GPR55: variants seen among roughly 807,000 people sequenced by gnomAD.
GPR55 encodes G protein-coupled receptor 55.
Under a neutral mutation model 7.9 loss-of-function variants are expected in GPR55, and 6 were observed. That is an observed-to-expected ratio of 0.76 (90% CI 0.41 to 1.49). The LOEUF (loss-of-function observed/expected upper bound fraction) is 1.49. Among genes scored for constraint, GPR55 ranks in the 40% most tolerant of loss-of-function variants. The probability of loss-of-function intolerance (pLI) is 0.01; values close to 1 mark genes in which losing one functional copy is unlikely to be tolerated. For missense variants in GPR55, 376 were observed against 406.0 expected, an observed-to-expected ratio of 0.93 and a Z score of 0.63; for synonymous variants, 183 against 166.8, an observed-to-expected ratio of 1.10 and a Z score of -0.75.
intron 1 of GPR55, among the ~76,000 whole-genome samples, chr2:230,951,522 A>G (rs563452241): frequency 6.6e-6 from 1 of 152,324 alleles, no homozygotes; most frequent in East Asian, 1.9e-4. Flanking sequence ...GCAGATGTCT[A>G]GGGAAGAGGG....
chr2:230,945,124 CAGAT>C (rs1263007933), intron 1 of GPR55, among the ~76,000 whole-genome samples: 1 of 152,184 alleles, frequency 6.6e-6, no homozygotes, highest in Non-Finnish European at 1.5e-5. Context: ...GTGGACAAAG[CAGAT>C]AGAAGACTAC....
intron 1 of GPR55, among the ~76,000 whole-genome samples, chr2:230,949,752 T>C (rs570268832): frequency 3.9e-5 from 6 of 152,134 alleles, no homozygotes; most frequent in Non-Finnish European, 8.8e-5. Flanking sequence ...TGAATAGAGA[T>C]AGGAGAGGCC....
chr2:230,946,732 C>G (rs2125068089), intron 1 of GPR55, among the ~76,000 whole-genome samples: 1 of 152,322 alleles, frequency 6.6e-6, no homozygotes, highest in Non-Finnish European at 1.5e-5. Flanking sequence ...CACACCTGGA[C>G]CAGGCCATAG....
intron 1 of GPR55, among the ~76,000 whole-genome samples, chr2:230,941,158 C>T (rs368473877): frequency 1.3e-5 from 2 of 152,200 alleles, no homozygotes; most frequent in South Asian, 2.1e-4. Context: ...GGCCTGATGC[C>T]TGGGTGCCTC....
chr2:230,943,487 C>A (rs886887289), intron 1 of GPR55, among the ~76,000 whole-genome samples: 2 of 152,234 alleles, frequency 1.3e-5, no homozygotes, highest in African/African-American at 2.4e-5. Context: ...TGTCTCCGGG[C>A]ATCCCCAGCT....
chr2:230,953,928 T>G (rs1028600403), intron 1 of GPR55, among the ~76,000 whole-genome samples: 1 of 152,168 alleles, frequency 6.6e-6, no homozygotes, highest in Non-Finnish European at 1.5e-5. Context: ...TGGAACCACC[T>G]TCCTGGTGGG....
At chr2:230,947,854 C>G (rs892926046) in intron 1 of GPR55, among the ~76,000 whole-genome samples, 2 of 152,082 alleles carry the variant, frequency 1.3e-5, no homozygotes, top group Non-Finnish European at 2.9e-5. Flanking sequence ...CTGGTGCCCC[C>G]CCTCCAACTC....
At chr2:230,917,117 G>A (rs1185324396) in intron 1 of GPR55, among the ~76,000 whole-genome samples, 2 of 152,084 alleles carry the variant, frequency 1.3e-5, no homozygotes. Context: ...TATTTTTATA[G>A]AATAAAATAA....
upstream of GPR55, among the ~76,000 whole-genome samples, chr2:230,926,142 G>T (rs903942178): frequency 6.6e-6 from 1 of 152,198 alleles, no homozygotes; most frequent in African/African-American, 2.4e-5. Context: ...AACTACTCCT[G>T]GGTTTTTTGG....
At chr2:230,915,975 A>C (rs1297115821) in intron 1 of GPR55, among the ~76,000 whole-genome samples, 8 of 152,204 alleles carry the variant, frequency 5.3e-5, no homozygotes, top group Non-Finnish European at 1.0e-4. Flanking sequence ...TCAAGGTAGA[A>C]AAGCTTGGAA....
At chr2:230,954,752 G>A (rs1691455412) in intron 1 of GPR55, among the ~76,000 whole-genome samples, 1 of 152,076 alleles carries the variant, frequency 6.6e-6, no homozygotes, top group African/African-American at 2.4e-5. Context: ...CAAGGCCAAT[G>A]ATCATTACTT....
intron 1 of GPR55, among the ~76,000 whole-genome samples, chr2:230,933,990 G>A (rs566749720): frequency 8.3e-4 from 127 of 152,294 alleles, no homozygotes; most frequent in African/African-American, 3.0e-3. Context: ...CAGAGGTGCT[G>A]GGTCAGGCTG....
intron 1 of GPR55, among the ~76,000 whole-genome samples, chr2:230,911,552 G>T (rs1690593241): frequency 6.6e-6 from 1 of 152,186 alleles, no homozygotes; most frequent in Admixed American, 6.5e-5. Context: ...TAGTTCATTG[G>T]TTCAGGGACA....
intron 1 of GPR55, among the ~76,000 whole-genome samples, chr2:230,915,420 G>A (rs2125050406): frequency 6.6e-6 from 1 of 152,316 alleles, no homozygotes; most frequent in Middle Eastern, 3.4e-3. Flanking sequence ...CCTCCTAGGG[G>A]ACTGGAATGG....
chr2:230,927,452 G>T (rs1409235759), upstream of GPR55, among the ~76,000 whole-genome samples: 1 of 152,244 alleles, frequency 6.6e-6, no homozygotes, highest in Admixed American at 6.5e-5. Flanking sequence ...GCTCAGGCCT[G>T]TCCCTCGAGC....
chr2:230,907,651 G>A lies in GPR55; in HGVS notation c.*2352C>T, dbSNP rs954102764. On this transcript the variant is annotated 3_prime_UTR_variant, in exon 2 of 2. Transcript: ENST00000650999. Reference sequence around the variant, plus strand: ...CACTGAGACTGCTGATACCCTCCAAGGACCTTCCTCTTACAGCCATGCAGC... The same window carrying A: ...CACTGAGACTGCTGATACCCTCCAAAGACCTTCCTCTTACAGCCATGCAGC... 5 of 152,396 alleles carry A rather than the reference G, an allele frequency of 3.3e-5. No individual in the cohort carries two copies. Among genetic ancestry groups the A allele is most frequent in the Non-Finnish European group, 7.3e-5 (5 of 68,208 alleles). 9.4% of individuals were successfully genotyped at this position (152,396 alleles called of 1,614,324 possible).
At chr2:230,943,009 A>G (rs1002602366) in intron 1 of GPR55, among the ~76,000 whole-genome samples, 3 of 151,650 alleles carry the variant, frequency 2.0e-5, no homozygotes, top group African/African-American at 7.3e-5. Context: ...CCTGAAGAGA[A>G]GAGAAGAGAA....
intron 1 of GPR55, among the ~76,000 whole-genome samples, chr2:230,919,328 T>C (rs532119237): frequency 6.6e-6 from 1 of 152,240 alleles, no homozygotes; most frequent in East Asian, 1.9e-4. Flanking sequence ...AAATTCTTTT[T>C]GCTAAAAAGT....
At chr2:230,918,001 T>A (rs1428625109) in intron 1 of GPR55, among the ~76,000 whole-genome samples, 1 of 152,190 alleles carries the variant, frequency 6.6e-6, no homozygotes, top group African/African-American at 2.4e-5. Flanking sequence ...CTAACTGCTT[T>A]AATTTTCTTT....
Sources: allele counts gnomAD v4.1 joint callset (sites outside exome capture counted in the v4.1 genomes callset), GRCh38; gene constraint gnomAD v4.1.1; transcripts MANE v1.5; gene names NCBI Gene and HGNC (gene_info 2026-07-23, HGNC 2026-07-21).